The following CNTNAP2 variants were observed in gnomAD, a reference collection of about 807,000 sequenced individuals.
CNTNAP2 encodes contactin associated protein 2, also known as contactin-associated protein-like 2.
Under a neutral mutation model 155.2 loss-of-function variants are expected in CNTNAP2, and 98 were observed. The ratio of observed to expected loss-of-function variants is 0.63; its 90% confidence interval spans 0.54 to 0.75. The LOEUF (loss-of-function observed/expected upper bound fraction) is 0.75. CNTNAP2 is among the 30% of genes least tolerant of loss of function. The pLI is 0.00. For synonymous variants in CNTNAP2, 651 were observed against 631.2 expected (o/e 1.03, Z -0.47); for missense variants, 1,727 against 1,688.1 (o/e 1.02, Z -0.40).
chr7:146,255,450 G>T (rs1024208422), intron 1 of CNTNAP2, among the ~76,000 whole-genome samples: 1 of 152,182 alleles, frequency 6.6e-6, no homozygotes, highest in Non-Finnish European at 1.5e-5. Context: ...AGGCTGACTT[G>T]ATATTAGATA....
chr7:146,210,372 G>A (rs186253285), intron 1 of CNTNAP2, among the ~76,000 whole-genome samples: 18 of 152,228 alleles, frequency 1.2e-4, no homozygotes, highest in African/African-American at 4.1e-4. Context: ...CTAAAATGGT[G>A]TATTTTAATT....
intron 1 of CNTNAP2, among the ~76,000 whole-genome samples, chr7:146,183,044 G>T (rs1164605096): frequency 6.6e-6 from 1 of 152,086 alleles, no homozygotes; most frequent in Non-Finnish European, 1.5e-5. Flanking sequence ...TACAATCACA[G>T]TTATCCTATA....
chr7:146,823,550 C>A (rs1340106190), intron 2 of CNTNAP2, among the ~76,000 whole-genome samples: 2 of 142,672 alleles, frequency 1.4e-5, no homozygotes, highest in Non-Finnish European at 1.5e-5. Flanking sequence ...TATACTCATT[C>A]TTCAGTATAT....
intron 1 of CNTNAP2, among the ~76,000 whole-genome samples, chr7:146,410,938 C>T (rs1795856566): frequency 6.6e-6 from 1 of 152,130 alleles, no homozygotes; most frequent in South Asian, 2.1e-4. Context: ...TTGCAAATGA[C>T]AGGATTTCCT....
chr7:146,925,254 T>G (rs11773694), intron 3 of CNTNAP2, among the ~76,000 whole-genome samples: 41,768 of 151,994 alleles, frequency 0.27, 7,043 homozygotes, highest in Non-Finnish European at 0.37. Flanking sequence ...AATCGCACCT[T>G]TATTTCTGGC....
At chr7:146,870,862 T>G (rs1795291866) in intron 3 of CNTNAP2, among the ~76,000 whole-genome samples, 1 of 152,180 alleles carries the variant, frequency 6.6e-6, no homozygotes, top group African/African-American at 2.4e-5. Context: ...CTAAACAATT[T>G]AAATGAAACA....
intron 13 of CNTNAP2, among the ~76,000 whole-genome samples, chr7:147,824,182 T>C (rs1798409196): frequency 6.6e-6 from 1 of 152,166 alleles, no homozygotes; most frequent in Non-Finnish European, 1.5e-5. Flanking sequence ...CTCTCCTTTA[T>C]TCAAAAGGCT....
At chr7:147,871,986 G>GT (rs1468824040) in intron 13 of CNTNAP2, among the ~76,000 whole-genome samples, 3 of 152,108 alleles carry the variant, frequency 2.0e-5, no homozygotes, top group Non-Finnish European at 4.4e-5. Flanking sequence ...ATTCACATGA[G>GT]TGAAATTGAT....
chr7:146,741,627 AT>A (rs1302384337), intron 1 of CNTNAP2, among the ~76,000 whole-genome samples: 1 of 152,198 alleles, frequency 6.6e-6, no homozygotes, highest in Non-Finnish European at 1.5e-5. Flanking sequence ...TGTGAAGGGA[AT>A]TTTCGATGGG....
At chr7:147,340,558 A>G (rs1795743239) in intron 9 of CNTNAP2, among the ~76,000 whole-genome samples, 2 of 152,132 alleles carry the variant, frequency 1.3e-5, no homozygotes, top group African/African-American at 4.8e-5. Context: ...TCATCTCCTC[A>G]TAGTATCTTT....
chr7:147,384,233 G>A (rs1796591343), intron 9 of CNTNAP2, among the ~76,000 whole-genome samples: 1 of 152,128 alleles, frequency 6.6e-6, no homozygotes, highest in African/African-American at 2.4e-5. Flanking sequence ...CAGAACTATT[G>A]CTAAATATGA....
chr7:146,667,926 C>A (rs925681159), intron 1 of CNTNAP2, among the ~76,000 whole-genome samples: 2 of 152,036 alleles, frequency 1.3e-5, no homozygotes, highest in Non-Finnish European at 2.9e-5. Flanking sequence ...CAGACAGGAA[C>A]AATTTCACTT....
At position 147,863,777 on chromosome 7, in the gene CNTNAP2, G is replaced by GT. The variant is rs931270880; in HGVS notation, c.2099-39780dup. ...CCTTTGCCCGCTTTTTGATGGGGTT[G>GT]TTTTTTTTCTTGTAAATTTGTTTCA... On this transcript the variant is annotated intron_variant, in intron 13 of 23. Coordinates refer to ENST00000361727, the MANE Select transcript of CNTNAP2 (RefSeq NM_014141.6). 1.1e-4 allele frequency among the ~76,000 whole-genome samples: 16 copies of GT among 150,036 alleles called. No individual in the cohort carries two copies. The East Asian group carries it at 2.8e-3, about 26-fold the overall frequency.
intron 10 of CNTNAP2, among the ~76,000 whole-genome samples, chr7:147,439,865 A>G (rs1215778667): frequency 1.3e-5 from 2 of 151,976 alleles, no homozygotes; most frequent in African/African-American, 4.8e-5. Context: ...TAATCTTGAA[A>G]TCTATGTTGT....
chr7:147,606,845 G>A (rs986904805), intron 12 of CNTNAP2, among the ~76,000 whole-genome samples: 5 of 152,212 alleles, frequency 3.3e-5, no homozygotes, highest in Admixed American at 6.5e-5. Context: ...AAGGGACTAA[G>A]CAAAAGCAGA....
At chr7:148,033,555 G>A (rs370559979) in intron 15 of CNTNAP2, among the ~76,000 whole-genome samples, 7 of 152,102 alleles carry the variant, frequency 4.6e-5, no homozygotes, top group African/African-American at 1.7e-4. Context: ...TCTTACTTAT[G>A]AGTGAGAACA....
intron 13 of CNTNAP2, among the ~76,000 whole-genome samples, chr7:147,802,204 C>G (rs1013511365): frequency 6.8e-6 from 1 of 146,720 alleles, no homozygotes; most frequent in African/African-American, 2.6e-5. Flanking sequence ...GTGCTCCCCA[C>G]ATCTCAGACG....
At chr7:148,318,051 G>C (rs1321515387) in intron 21 of CNTNAP2, among the ~76,000 whole-genome samples, 1 of 152,182 alleles carries the variant, frequency 6.6e-6, no homozygotes, top group Non-Finnish European at 1.5e-5. Context: ...ATCCCGGAGA[G>C]ATGGCCCTTT....
intron 13 of CNTNAP2, among the ~76,000 whole-genome samples, chr7:147,898,708 C>G (rs1278451032): frequency 6.6e-6 from 1 of 151,932 alleles, no homozygotes; most frequent in Non-Finnish European, 1.5e-5. Context: ...TTAGTAGAGA[C>G]GGGGTTTCAC....
Sources: gnomAD v4.1 joint callset for allele counts (sites outside exome capture counted in the v4.1 genomes callset) on GRCh38, gnomAD v4.1.1 for gene constraint, MANE v1.5 for transcripts, NCBI Gene and HGNC (gene_info 2026-07-23, HGNC 2026-07-21) for gene names.